The following RASA1 variants were observed in gnomAD, a reference collection of about 807,000 sequenced individuals.
RASA1 encodes the protein RAS p21 protein activator 1.
A neutral mutation model predicts 132.2 loss-of-function variants in RASA1; 25 were observed. The ratio of observed to expected loss-of-function variants is 0.19; its 90% CI spans 0.14 to 0.26. RASA1 has a LOEUF of 0.26. Among genes scored for constraint, RASA1 ranks in the 10% least tolerant of loss-of-function variants. The probability of loss-of-function intolerance (pLI) is 1.00; values close to 1 mark genes in which losing one functional copy is unlikely to be tolerated. For synonymous variants in RASA1, 477 were observed against 449.9 expected (o/e 1.06, Z -0.76); for missense variants, 964 against 1,299.2 (o/e 0.74, Z 3.97).
chr5:87,390,529 CAT>C (rs1561334916), intron 24 of RASA1, among the ~76,000 whole-genome samples: 1 of 151,584 alleles, frequency 6.6e-6, no homozygotes, highest in Non-Finnish European at 1.5e-5. Context: ...CTTCTGACAA[CAT>C]GTGATAGTGT....
chr5:87,338,534 A>T (rs887336125), intron 5 of RASA1, among the ~76,000 whole-genome samples: 1,823 of 45,930 alleles, frequency 0.04, 91 homozygotes, highest in Middle Eastern at 0.081. Flanking sequence ...TATATATATA[A>T]AATTTTTTTT....
At chr5:87,280,978 T>G (rs1400114052) in intron 1 of RASA1, among the ~76,000 whole-genome samples, 1 of 152,050 alleles carries the variant, frequency 6.6e-6, no homozygotes, top group African/African-American at 2.4e-5. Flanking sequence ...TATATCACCT[T>G]TTGTTTACCC....
At chr5:87,271,778 A>G (rs1205481789) in intron 1 of RASA1, among the ~76,000 whole-genome samples, 1 of 151,832 alleles carries the variant, frequency 6.6e-6, no homozygotes, top group Non-Finnish European at 1.5e-5. Flanking sequence ...GCCTGGCCCA[A>G]TAGACTGTTT....
intron 1 of RASA1, chr5:87,294,433 C>G (rs1295679738): frequency 2.0e-5 from 3 of 152,202 alleles, no homozygotes; most frequent in Admixed American, 1.3e-4. Flanking sequence ...CCTTCACCTC[C>G]CAGGTAACTG....
chr5:87,306,769 T>C (rs919224148), intron 1 of RASA1, among the ~76,000 whole-genome samples: 3 of 152,108 alleles, frequency 2.0e-5, no homozygotes, highest in Admixed American at 6.5e-5. Context: ...GTTTGGAAGA[T>C]TCTTGACCAT....
intron 7 of RASA1, 133 bp from the exon 8 acceptor site, chr5:87,349,081 T>TAAAAAAA: frequency 9.7e-7 from 1 of 1,030,140 alleles, no homozygotes; most frequent in African/African-American, 1.7e-5. Flanking sequence ...GAAATTATCT[T>TAAAAAAA]AAAAAAAAAA....
At chr5:87,349,988 A>G (rs1321442580) in intron 8 of RASA1, among the ~76,000 whole-genome samples, 3 of 151,918 alleles carry the variant, frequency 2.0e-5, no homozygotes, top group Non-Finnish European at 2.9e-5. Flanking sequence ...AGGTTTTCCT[A>G]TAACTAATAA....
intron 9 of RASA1, 79 bp from the exon 10 acceptor site, chr5:87,362,472 T>C (rs1760178548): frequency 1.4e-6 from 2 of 1,440,494 alleles, no homozygotes; most frequent in Non-Finnish European, 1.9e-6. Context: ...GCTTTGGCTT[T>C]TAATTGGTAC....
At chr5:87,306,643 G>T (rs1272582075) in intron 1 of RASA1, among the ~76,000 whole-genome samples, 2 of 151,840 alleles carry the variant, frequency 1.3e-5, no homozygotes, top group East Asian at 3.9e-4. Context: ...CTTGCCTTTG[G>T]TTTTTAGCAT....
chr5:87,287,140 T>C (rs1048207795), intron 1 of RASA1, among the ~76,000 whole-genome samples: 1 of 138,112 alleles, frequency 7.2e-6, no homozygotes, highest in African/African-American at 2.7e-5. Flanking sequence ...CATATATATA[T>C]ACACACCGTA....
rs1758872800 is a variant in RASA1, at chr5:87,346,535, TAAG to T, written c.1050-134_1050-132del. 7.8e-6 allele frequency: 4 copies of T among 514,030 alleles called. 1 individual carries two copies. The allele number at this position is 514,030 out of a possible 1,614,324, so 31.8% of individuals were successfully genotyped here. On this transcript the variant is annotated intron_variant, in intron 6 of 24. Coordinates refer to ENST00000274376, the MANE Select transcript of RASA1 (RefSeq NM_002890.3). The stretch of plus-strand genomic sequence containing the variant: ...GTATATAAAATGTATTAAAATGTAA[TAAG>T]AATGAGATGATTTGATTAATTGCAT...
chr5:87,274,140 G>T (rs1753968225), intron 1 of RASA1, among the ~76,000 whole-genome samples: 1 of 152,130 alleles, frequency 6.6e-6, no homozygotes, highest in Admixed American at 6.5e-5. Context: ...TGGGTACTGA[G>T]GTCTCCATTT....
At chr5:87,341,394 C>T in intron 6 of RASA1, 73 bp downstream of exon 6, 1 of 1,099,508 alleles carries the variant, frequency 9.1e-7, no homozygotes, top group South Asian at 3.1e-5. Context: ...AAACTTTGGC[C>T]AAAAAAATTG....
chr5:87,292,354 G>A lies in RASA1; in HGVS notation c.539+23364G>A, dbSNP rs1472251659. ...TTAAATTTTGTGAAGGCTGTAAGGT[G>A]AGTGTTTACATTCTTTTTTTTTTTT... On this transcript the variant is annotated intron_variant, in intron 1 of 24. Coordinates refer to ENST00000274376, the MANE Select transcript of RASA1 (RefSeq NM_002890.3). 2.0e-5 allele frequency among the ~76,000 whole-genome samples: 3 copies of A among 149,998 alleles called. No homozygotes were observed. In the East Asian group the frequency reaches 5.8e-4, roughly 29 times the overall value.
intron 2 of RASA1, 48 bp downstream of exon 2, chr5:87,331,548 T>TG: frequency 6.3e-7 from 1 of 1,582,292 alleles, no homozygotes; most frequent in Non-Finnish European, 8.7e-7. Context: ...GCTATTTTGA[T>TG]ATAATATTCA....
At chr5:87,269,341 AT>A (rs1753722096) in intron 1 of RASA1, 7 of 1,522,952 alleles carry the variant, frequency 4.6e-6, no homozygotes, top group Non-Finnish European at 6.2e-6. Context: ...CATAGTGTAT[AT>A]TAACTTGTGT....
intron 9 of RASA1, among the ~76,000 whole-genome samples, chr5:87,359,994 G>A (rs1759951296): frequency 6.6e-6 from 1 of 151,940 alleles, no homozygotes; most frequent in Non-Finnish European, 1.5e-5. Context: ...TCAGATACTT[G>A]TCTAATAAGT....
At chr5:87,333,369 T>C (rs749794222) in intron 4 of RASA1, 32 bp downstream of exon 4, 62 of 1,609,072 alleles carry the variant, frequency 3.9e-5, no homozygotes, top group Non-Finnish European at 5.0e-5. Flanking sequence ...TGTATAGGCA[T>C]TTGAAAGAGC....
chr5:87,338,210 T>G, intron 5 of RASA1, 119 bp downstream of exon 5: 1 of 1,488,856 alleles, frequency 6.7e-7, no homozygotes. Context: ...ACTTAATTGA[T>G]AAGTACAAGA....
Sources: allele counts gnomAD v4.1 joint callset (sites outside exome capture counted in the v4.1 genomes callset), GRCh38; gene constraint gnomAD v4.1.1; transcripts MANE v1.5; gene names NCBI Gene and HGNC (gene_info 2026-07-23, HGNC 2026-07-21).